RBFOX3: variants seen among roughly 807,000 people sequenced by gnomAD.
RBFOX3 encodes the protein RNA binding fox-1 homolog 3.
Under a neutral mutation model 48.7 loss-of-function variants are expected in RBFOX3, and 17 were observed. The observed-to-expected ratio is 0.35, with a 90% CI of 0.24 to 0.52. The LOEUF is 0.52. Ranked by LOEUF, RBFOX3 falls within the 20% of genes least tolerant of loss-of-function variation. RBFOX3 has a pLI of 0.94. For missense variants in RBFOX3, 382 were observed against 497.5 expected (o/e 0.77, Z 2.21); for synonymous variants, 212 against 209.5 (o/e 1.01, Z -0.10).
At chr17:79,340,286 G>A (rs1226940550) in intron 2 of RBFOX3, among the ~76,000 whole-genome samples, 1 of 140,776 alleles carries the variant, frequency 7.1e-6, no homozygotes, top group African/African-American at 2.6e-5. Flanking sequence ...GCAATAGAGT[G>A]AGACTCCATC....
chr17:79,410,079 A>C (rs1053626470), intron 2 of RBFOX3, among the ~76,000 whole-genome samples: 5 of 152,070 alleles, frequency 3.3e-5, no homozygotes, highest in African/African-American at 1.2e-4. Flanking sequence ...GCCACTCTCC[A>C]CCCTTCAGCT....
chr17:79,494,891 G>A (rs1555774240), intron 1 of RBFOX3, among the ~76,000 whole-genome samples: 11 of 152,202 alleles, frequency 7.2e-5, no homozygotes, highest in Non-Finnish European at 2.9e-5. Context: ...GAGGACCCAC[G>A]CAGGAGCCAT....
intron 1 of RBFOX3, among the ~76,000 whole-genome samples, chr17:79,544,631 GC>G (rs1699745785): frequency 6.6e-6 from 1 of 151,688 alleles, no homozygotes; most frequent in Non-Finnish European, 1.5e-5. Flanking sequence ...CACCACACCT[GC>G]CCCACCACAA....
chr17:79,092,351 A>C, intron 14 of RBFOX3: 1 of 985,588 alleles, frequency 1.0e-6, no homozygotes, highest in Non-Finnish European at 1.2e-6. Flanking sequence ...CAAAATAGGA[A>C]ATCACGGTTG....
At chr17:79,430,945 C>T (rs1598658782) in intron 2 of RBFOX3, among the ~76,000 whole-genome samples, 2 of 152,312 alleles carry the variant, frequency 1.3e-5, no homozygotes, top group Middle Eastern at 6.8e-3. Context: ...GTTCAGTTTG[C>T]TGCCTGTGGA....
intron 3 of RBFOX3, among the ~76,000 whole-genome samples, chr17:79,303,799 G>A (rs1336284542): frequency 6.6e-6 from 1 of 152,064 alleles, no homozygotes; most frequent in Non-Finnish European, 1.5e-5. Context: ...GTATGTACCT[G>A]CGTGTGCGGT....
At chr17:79,544,550 T>C (rs550170286) in intron 1 of RBFOX3, among the ~76,000 whole-genome samples, 4 of 151,954 alleles carry the variant, frequency 2.6e-5, no homozygotes, top group South Asian at 4.2e-4. Flanking sequence ...AGTCCACTCC[T>C]CCCGTCGGAG....
At chr17:79,189,155 A>G (rs1239378210) in intron 4 of RBFOX3, among the ~76,000 whole-genome samples, 1 of 152,256 alleles carries the variant, frequency 6.6e-6, no homozygotes, top group African/African-American at 2.4e-5. Context: ...TAACTGTAAC[A>G]ATACCTTGTA....
chr17:79,123,291 T>C (rs564770233), intron 4 of RBFOX3, among the ~76,000 whole-genome samples: 1 of 152,326 alleles, frequency 6.6e-6, no homozygotes, highest in African/African-American at 2.4e-5. Flanking sequence ...TATCACACAC[T>C]GCATGCCTGT....
rs541509032 is a variant in RBFOX3 at position 79,438,274 on chromosome 17, C to T, written c.-175+44180G>A. Among the ~76,000 whole-genome samples the T allele has an allele frequency of 2.3e-3, 346 of 152,330 alleles. 1 individual carries two copies. The highest frequency in any genetic ancestry group is 7.9e-3 in the African/African-American group (328 of 41,570). On this transcript the variant is annotated intron_variant, in intron 2 of 14. Coordinates refer to ENST00000693108, the MANE Select transcript of RBFOX3 (RefSeq NM_001350451.2). ...AACCCTGCAGGCCCAGTAGGGGCACCGCTAGCGCTGGGTTCTATGTATCCT... is the reference window on the plus strand; with the variant it reads ...AACCCTGCAGGCCCAGTAGGGGCACTGCTAGCGCTGGGTTCTATGTATCCT...
chr17:79,540,646 C>T (rs2089548451), intron 1 of RBFOX3, among the ~76,000 whole-genome samples: 1 of 152,346 alleles, frequency 6.6e-6, no homozygotes, highest in Middle Eastern at 3.4e-3. Context: ...CACATACCGC[C>T]GTGGTGCACA....
intron 4 of RBFOX3, among the ~76,000 whole-genome samples, chr17:79,216,181 C>T (rs1271288507): frequency 1.3e-5 from 2 of 152,230 alleles, no homozygotes; most frequent in African/African-American, 2.4e-5. Context: ...CTGTGGCCCC[C>T]CAGCTGGGTG....
chr17:79,597,144 C>A (rs9674764), intron 1 of RBFOX3, among the ~76,000 whole-genome samples: 57,037 of 152,028 alleles, frequency 0.38, 11,789 homozygotes, highest in Middle Eastern at 0.48. Flanking sequence ...GAGAAAGCAC[C>A]TGCCCTCACA....
chr17:79,467,862 CCT>C (rs2076521302), intron 2 of RBFOX3, among the ~76,000 whole-genome samples: 1 of 152,060 alleles, frequency 6.6e-6, no homozygotes, highest in Admixed American at 6.5e-5. Flanking sequence ...TTGGCCTCCT[CCT>C]CTGCTTGCCC....
At chr17:79,658,143 G>C in the RBFOX3 span, among the ~76,000 whole-genome samples, 1 of 152,258 alleles carries the variant, frequency 6.6e-6, no homozygotes, top group Non-Finnish European at 1.5e-5. Context: ...CTATAAAAGG[G>C]AAGGACTTGC....
At chr17:79,526,110 C>A (rs2086759033) in intron 1 of RBFOX3, among the ~76,000 whole-genome samples, 1 of 152,220 alleles carries the variant, frequency 6.6e-6, no homozygotes, top group Non-Finnish European at 1.5e-5. Flanking sequence ...CAGCACTCAG[C>A]CATCTTACCT....
At chr17:79,277,430 T>TTTATG (rs1271605706) in intron 3 of RBFOX3, among the ~76,000 whole-genome samples, 1 of 152,238 alleles carries the variant, frequency 6.6e-6, no homozygotes, top group East Asian at 1.9e-4. Flanking sequence ...AATCATTAGC[T>TTTATG]GAGGTTCTAA....
rs1331472909 is a variant in RBFOX3, at chr17:79,477,796, G to T, written c.-175+4658C>A. The stretch of plus-strand genomic sequence containing the variant: ...CCAAATACATTTCTTAATAGAAAAG[G>T]AATCACAGAAGTTTTTAGGACCCAA... On this transcript the variant is annotated intron_variant, in intron 2 of 14. Transcript: ENST00000693108. The surrounding 1 kb of genome is among the most constrained non-coding windows in gnomAD (Gnocchi z 4.8). Among the ~76,000 whole-genome samples, 18 of 152,182 alleles carry T rather than the reference G, an allele frequency of 1.2e-4. No homozygotes were observed. Among genetic ancestry groups the T allele is most frequent in the Non-Finnish European group, 2.1e-4 (14 of 68,024 alleles).
chr17:79,602,270 T>C (rs2093722541), intron 1 of RBFOX3, among the ~76,000 whole-genome samples: 1 of 152,228 alleles, frequency 6.6e-6, no homozygotes. Context: ...TGTCAAGATA[T>C]CAAACAGACT....
Sources: gnomAD v4.1 joint callset for allele counts (sites outside exome capture counted in the v4.1 genomes callset) on GRCh38, gnomAD v4.1.1 for gene constraint, Gnocchi (gnomAD v3.1) non-coding constraint, MANE v1.5 for transcripts, NCBI Gene and HGNC (gene_info 2026-07-23, HGNC 2026-07-21) for gene names.